The following LDLRAP1 variants were observed in gnomAD, a reference collection of about 807,000 sequenced individuals.
LDLRAP1 encodes the protein low density lipoprotein receptor adapter protein 1.
In LDLRAP1, 30 loss-of-function variants were observed where a neutral mutation model predicts 37.8. The ratio of observed to expected loss-of-function variants is 0.79; its 90% CI spans 0.59 to 1.08. LDLRAP1 has a LOEUF of 1.08. Ranked by LOEUF, LDLRAP1 falls within the 50% of genes least tolerant of loss-of-function variation. The probability of loss-of-function intolerance (pLI) is 0.00; values close to 1 mark genes in which losing one functional copy is unlikely to be tolerated. For missense variants in LDLRAP1, 375 were observed against 401.6 expected (o/e 0.93, Z 0.57); for synonymous variants, 156 against 169.8 (o/e 0.92, Z 0.63).
the LDLRAP1 span, among the ~76,000 whole-genome samples, chr1:25,580,683 AT>A: frequency 6.6e-6 from 1 of 151,124 alleles, no homozygotes; most frequent in Non-Finnish European, 1.5e-5. Context: ...TAACTTTTTA[AT>A]TTTTTTTTGT....
Position 25,554,746 on chromosome 1 carries a change from C to A in LDLRAP1, c.232-114C>A. On this transcript the variant is annotated intron_variant, in intron 2 of 8. Coordinates refer to ENST00000374338, the MANE Select transcript of LDLRAP1 (RefSeq NM_015627.3). This position sits in a 1 kb window ranked among gnomAD's most constrained non-coding sequence, Gnocchi z 5.4. The stretch of plus-strand genomic sequence containing the variant: ...TGGTCTTGCCCACACTGCTGCCAGT[C>A]ACCTGAGCTGAGATGGGCCCCGTGC... 1.3e-6 allele frequency: 1 copy of A among 793,778 alleles called. No homozygotes were observed. The highest frequency in any genetic ancestry group is 2.2e-6 in the Non-Finnish European group (1 of 464,664). The allele number at this position is 793,778 out of a possible 1,614,324, so 49.2% of individuals were successfully genotyped here.
At chr1:25,566,819 C>T (rs1443376658) in intron 8 of LDLRAP1, 29 bp from the exon 9 acceptor site, 1 of 1,597,602 alleles carries the variant, frequency 6.3e-7, no homozygotes, top group Non-Finnish European at 8.5e-7. Flanking sequence ...CTCACCCAGG[C>T]TCTCGGCTCA....
chr1:25,570,937 A>C (rs1466625826), downstream of LDLRAP1, among the ~76,000 whole-genome samples: 1 of 152,094 alleles, frequency 6.6e-6, no homozygotes, highest in Non-Finnish European at 1.5e-5. Flanking sequence ...AGTCCTTGCA[A>C]CCTCACATGC....
At chr1:25,551,249 G>C (rs1241657632) in intron 1 of LDLRAP1, among the ~76,000 whole-genome samples, 2 of 152,094 alleles carry the variant, frequency 1.3e-5, no homozygotes, top group Non-Finnish European at 2.9e-5. Context: ...GGTGGCCTGG[G>C]TATCCTAGCC....
the LDLRAP1 span, among the ~76,000 whole-genome samples, chr1:25,583,200 T>C: frequency 5.3e-5 from 8 of 150,560 alleles, no homozygotes; most frequent in African/African-American, 1.9e-4. Flanking sequence ...GGATTTTTTT[T>C]TTTTTTTTTG....
chr1:25,588,331 A>G, the LDLRAP1 span, among the ~76,000 whole-genome samples: 4 of 152,220 alleles, frequency 2.6e-5, no homozygotes, highest in Non-Finnish European at 4.4e-5. Context: ...AGTTGAGACA[A>G]GAGGAAGGCA....
intron 7 of LDLRAP1, 128 bp from the exon 8 acceptor site, chr1:25,565,045 G>T (rs549561723): frequency 2.0e-6 from 2 of 975,776 alleles, no homozygotes; most frequent in South Asian, 2.6e-5. Flanking sequence ...CTGAGGCCGT[G>T]CCTCCAGGCG....
rs112914959 is a variant in LDLRAP1, at chr1:25,563,755, G to A, written c.711G>A (p.Pro237=). 246 of 1,613,970 alleles carry A rather than the reference G, an allele frequency of 1.5e-4. No homozygotes were observed. In the African/African-American group the frequency reaches 2.0e-3, roughly 13 times the overall value. Residue 237 remains proline (P), a synonymous_variant, in exon 7 of 9, where the codon CCG becomes CCA. Coordinates refer to ENST00000374338, the MANE Select transcript of LDLRAP1 (RefSeq NM_015627.3). Reference sequence around the variant, plus strand: ...ACACCACCAACATGGACGAGGTGCCGCGGCCACAAGCCTTGAGTGGCAGCA... The same window carrying A: ...ACACCACCAACATGGACGAGGTGCCACGGCCACAAGCCTTGAGTGGCAGCA... ...SANTTNMDEV[P]RPQALSGSSV...
At position 25,567,478 on chromosome 1, in the gene LDLRAP1, G is replaced by A. The variant is rs1351191819; in HGVS notation, c.*486G>A. 9.4e-5 allele frequency: 26 copies of A among 276,514 alleles called. No homozygotes were observed. In the Admixed American group the frequency reaches 1.0e-3, roughly 11 times the overall value. 17.1% of individuals were successfully genotyped at this position (276,514 alleles called of 1,614,324 possible). On this transcript the variant is annotated 3_prime_UTR_variant, in exon 9 of 9. Transcript: ENST00000374338. ...CCAGCACAGGAGAGCACCCACAGCC[G>A]CAGAAGGGGAATGTGTCCTCCTGCT...
the LDLRAP1 span, among the ~76,000 whole-genome samples, chr1:25,574,246 A>T: frequency 5.3e-5 from 8 of 152,220 alleles, no homozygotes; most frequent in African/African-American, 1.9e-4. Flanking sequence ...GGCTCAGAGC[A>T]GGTGCAGGCC....
chr1:25,589,559 A>G, the LDLRAP1 span, among the ~76,000 whole-genome samples: 1 of 152,232 alleles, frequency 6.6e-6, no homozygotes, highest in Non-Finnish European at 1.5e-5. Context: ...AGTCTCTCAC[A>G]GAATGAAAGA....
the LDLRAP1 span, among the ~76,000 whole-genome samples, chr1:25,582,583 CAA>C: frequency 0.011 from 1,437 of 125,000 alleles, 25 homozygotes; most frequent in African/African-American, 0.034. Flanking sequence ...GACCCCATCT[CAA>C]AAAAAAAAAA....
downstream of LDLRAP1, among the ~76,000 whole-genome samples, chr1:25,569,539 C>T (rs1046244584): frequency 6.6e-5 from 10 of 152,164 alleles, no homozygotes; most frequent in Non-Finnish European, 1.2e-4. Flanking sequence ...AATGACCTCC[C>T]CGCTTTTTAC....
chr1:25,579,307 G>C, the LDLRAP1 span, among the ~76,000 whole-genome samples: 46 of 152,164 alleles, frequency 3.0e-4, no homozygotes, highest in Non-Finnish European at 6.5e-4. Flanking sequence ...CCACCTCCAC[G>C]TGCGCAGCTT....
chr1:25,564,012 C>G (rs926305056), intron 7 of LDLRAP1: 7 of 619,094 alleles, frequency 1.1e-5, no homozygotes, highest in Middle Eastern at 8.7e-4. Context: ...ACAGCTGTCT[C>G]CTCACAATGC....
downstream of LDLRAP1, among the ~76,000 whole-genome samples, chr1:25,569,759 G>C (rs1387846827): frequency 6.6e-6 from 1 of 152,242 alleles, no homozygotes; most frequent in Admixed American, 6.5e-5. Flanking sequence ...CGGTTGTGCT[G>C]AGCGCAGATG....
At chr1:25,548,473 A>G (rs1490949909) in intron 1 of LDLRAP1, among the ~76,000 whole-genome samples, 13 of 149,030 alleles carry the variant, frequency 8.7e-5, no homozygotes, top group African/African-American at 2.7e-4. Flanking sequence ...TCAGCCTCCC[A>G]AGTAGCTGGG....
At chr1:25,577,025 A>G in the LDLRAP1 span, among the ~76,000 whole-genome samples, 2 of 152,150 alleles carry the variant, frequency 1.3e-5, no homozygotes, top group Non-Finnish European at 2.9e-5. Flanking sequence ...CTCCATGGCG[A>G]TGTTCCTGCG....
chr1:25,551,371 A>G (rs1291577477), intron 1 of LDLRAP1, among the ~76,000 whole-genome samples: 1 of 152,232 alleles, frequency 6.6e-6, no homozygotes, highest in African/African-American at 2.4e-5. Flanking sequence ...GCTGCATGAT[A>G]AAGTAGTATG....
Sources: allele counts gnomAD v4.1 joint callset (sites outside exome capture counted in the v4.1 genomes callset), GRCh38; gene constraint gnomAD v4.1.1; non-coding constraint Gnocchi (gnomAD v3.1); transcripts MANE v1.5; gene names NCBI Gene and HGNC (gene_info 2026-07-23, HGNC 2026-07-21).